The following TAFA4 variants were observed in gnomAD, a reference collection of about 807,000 sequenced individuals.
TAFA4 encodes the protein chemokine-like protein TAFA-4.
A neutral mutation model predicts 21.1 loss-of-function variants in TAFA4; 20 were observed. That is an observed-to-expected ratio of 0.95 (90% CI 0.67 to 1.38). The LOEUF (loss-of-function observed/expected upper bound fraction) is 1.38, where lower values mean the gene tolerates loss of function less well. TAFA4 is among the 40% of genes most tolerant of loss of function. The pLI is 0.00. For missense variants in TAFA4, 211 were observed against 180.9 expected (o/e 1.17, Z -0.95); for synonymous variants, 71 against 67.4 (o/e 1.05, Z -0.26).
chr3:68,895,965 G>A (rs2089784473), intron 1 of TAFA4, among the ~76,000 whole-genome samples: 1 of 152,220 alleles, frequency 6.6e-6, no homozygotes, highest in African/African-American at 2.4e-5. Context: ...TCACTGAGAA[G>A]GTGACTGTGA....
chr3:68,852,181 A>C (rs1704966632), intron 3 of TAFA4, among the ~76,000 whole-genome samples: 1 of 152,178 alleles, frequency 6.6e-6, no homozygotes, highest in South Asian at 2.1e-4. Flanking sequence ...AGAAAGAAGG[A>C]GATCTGTAGG....
At chr3:68,858,017 C>A (rs1185560731) in intron 3 of TAFA4, among the ~76,000 whole-genome samples, 6 of 152,106 alleles carry the variant, frequency 3.9e-5, no homozygotes, top group Non-Finnish European at 7.4e-5. Context: ...AACATCAAGT[C>A]TCCAGGGAGA....
chr3:68,853,330 C>G (rs755358652), intron 3 of TAFA4, among the ~76,000 whole-genome samples: 1 of 152,012 alleles, frequency 6.6e-6, no homozygotes, highest in Non-Finnish European at 1.5e-5. Flanking sequence ...AGTGTGACTC[C>G]GTAATATCTA....
At chr3:68,820,183 G>A (rs2130438) in intron 3 of TAFA4, among the ~76,000 whole-genome samples, 38,019 of 152,016 alleles carry the variant, frequency 0.25, 6,153 homozygotes, top group East Asian at 0.85. Flanking sequence ...TAAGTCAGGC[G>A]CAAAAAGACA....
intron 1 of TAFA4, among the ~76,000 whole-genome samples, chr3:68,916,571 G>A (rs2090006917): frequency 6.6e-6 from 1 of 152,146 alleles, no homozygotes; most frequent in Admixed American, 6.5e-5. Flanking sequence ...ACTGCATTCT[G>A]CCTGTATCAT....
At chr3:68,890,697 G>T (rs1328824720) in intron 1 of TAFA4, among the ~76,000 whole-genome samples, 7 of 152,280 alleles carry the variant, frequency 4.6e-5, no homozygotes, top group Non-Finnish European at 1.0e-4. Flanking sequence ...TGGTACCAAG[G>T]TACCTACAGT....
At chr3:68,855,770 C>T (rs555453055) in intron 3 of TAFA4, among the ~76,000 whole-genome samples, 3 of 152,100 alleles carry the variant, frequency 2.0e-5, no homozygotes, top group Admixed American at 1.3e-4. Context: ...TCCCCATCTT[C>T]CCTGCAAGCA....
In TAFA4 at chr3:68,758,800, G is replaced by A. The variant is rs563819769; in HGVS notation, c.131-5782C>T. Among the ~76,000 whole-genome samples the A allele has an allele frequency of 3.9e-5, 6 of 152,314 alleles. No homozygotes were observed. The South Asian group carries it at 1.2e-3, about 32-fold the overall frequency. On this transcript the variant is annotated intron_variant, in intron 3 of 5. Transcript: ENST00000295569. ...CCAGTGTGAATGGCGCATAGAAATT[G>A]CTGCTTATAATTGTTTCAGCAGCTC...
At position 68,885,129 on chromosome 3, in the gene TAFA4, A is replaced by C. The variant is rs375863275; in HGVS notation, c.14+46T>G. The stretch of plus-strand genomic sequence containing the variant: ...TACTCACTTTTGCTAAATTCTCAAT[A>C]CTTTGTAAAGATATCATGTCCAGGT... On this transcript the variant is annotated intron_variant, in intron 2 of 5. Transcript: ENST00000295569. The C allele has an allele frequency of 8.8e-6, 14 of 1,598,402 alleles. No homozygotes were observed. The South Asian group carries it at 1.1e-4, about 13-fold the overall frequency.
Position 68,832,892 on chromosome 3 carries a change from C to G in TAFA4, c.130+47838G>C, listed in dbSNP as rs180808716. On this transcript the variant is annotated intron_variant, in intron 3 of 5. Transcript: ENST00000295569. ...GTTTACTCTGTGAACATACAACCGCCTACTCAAGCCTCAGCAAGGGTGGAC... is the reference window on the plus strand; with the variant it reads ...GTTTACTCTGTGAACATACAACCGCGTACTCAAGCCTCAGCAAGGGTGGAC... Among the ~76,000 whole-genome samples, 391 of 152,338 alleles carry G rather than the reference C, an allele frequency of 2.6e-3. 4 individuals carry two copies. The highest frequency in any genetic ancestry group is 9.1e-3 in the African/African-American group (380 of 41,580).
At chr3:68,806,046 C>A (rs1703691962) in intron 3 of TAFA4, among the ~76,000 whole-genome samples, 1 of 151,552 alleles carries the variant, frequency 6.6e-6, no homozygotes, top group Non-Finnish European at 1.5e-5. Context: ...TCAAAAACAA[C>A]AATTTGAGTA....
chr3:68,911,151 G>A (rs555444275), intron 1 of TAFA4, among the ~76,000 whole-genome samples: 4 of 152,354 alleles, frequency 2.6e-5, no homozygotes, highest in East Asian at 1.9e-4. Flanking sequence ...CACTGCTGAC[G>A]TTTGGGAGGA....
chr3:68,758,095 G>GA (rs1702690536), intron 3 of TAFA4, among the ~76,000 whole-genome samples: 1 of 152,156 alleles, frequency 6.6e-6, no homozygotes, highest in African/African-American at 2.4e-5. Flanking sequence ...TAAGATGAAG[G>GA]AAAGGTTCCC....
intron 5 of TAFA4, among the ~76,000 whole-genome samples, chr3:68,736,196 T>C (rs1702238067): frequency 6.6e-6 from 1 of 151,868 alleles, no homozygotes; most frequent in South Asian, 2.1e-4. Flanking sequence ...AGGCTTAAAA[T>C]GGCAACCCCA....
At position 68,867,349 on chromosome 3, in the gene TAFA4, G is replaced by A. The variant is rs1379927800; in HGVS notation, c.130+13381C>T. Among the ~76,000 whole-genome samples the A allele has an allele frequency of 2.0e-5, 3 of 152,080 alleles. No individual in the cohort carries two copies. The South Asian group carries it at 6.2e-4, about 32-fold the overall frequency. ...CCCAGAAAAGCTTTCTTTCAAACATGAAGGACAGATGAAGTCTTTCCCAGA... is the reference window on the plus strand; with the variant it reads ...CCCAGAAAAGCTTTCTTTCAAACATAAAGGACAGATGAAGTCTTTCCCAGA... On this transcript the variant is annotated intron_variant, in intron 3 of 5. Transcript: ENST00000295569.
intron 3 of TAFA4, among the ~76,000 whole-genome samples, chr3:68,801,029 A>C (rs752892046): frequency 6.6e-6 from 1 of 152,162 alleles, no homozygotes; most frequent in Non-Finnish European, 1.5e-5. Flanking sequence ...TGGCCAAGAG[A>C]TGCCTGGATG....
At chr3:68,766,676 AC>A (rs943298008) in intron 3 of TAFA4, among the ~76,000 whole-genome samples, 1 of 152,208 alleles carries the variant, frequency 6.6e-6, no homozygotes, top group Non-Finnish European at 1.5e-5. Context: ...AAGAACAACT[AC>A]AAAAAGCAGA....
intron 3 of TAFA4, among the ~76,000 whole-genome samples, chr3:68,770,488 T>A (rs1041905572): frequency 2.6e-5 from 4 of 152,186 alleles, no homozygotes; most frequent in Non-Finnish European, 5.9e-5. Flanking sequence ...AAAGCAATTA[T>A]AAAAATGGAA....
At chr3:68,822,016 CA>C (rs1157439496) in intron 3 of TAFA4, among the ~76,000 whole-genome samples, 2 of 152,074 alleles carry the variant, frequency 1.3e-5, no homozygotes, top group Non-Finnish European at 2.9e-5. Context: ...CTCATGTTAA[CA>C]AAATAAAAAT....
Sources: allele counts gnomAD v4.1 joint callset (sites outside exome capture counted in the v4.1 genomes callset), GRCh38; gene constraint gnomAD v4.1.1; transcripts MANE v1.5; gene names NCBI Gene and HGNC (gene_info 2026-07-23, HGNC 2026-07-21).